Variants in SIPA1L1 observed in about 807,000 individuals in gnomAD.
The protein encoded by SIPA1L1 is signal-induced proliferation-associated 1-like protein 1.
A neutral mutation model predicts 162.7 loss-of-function variants in SIPA1L1; 26 were observed. The observed-to-expected ratio is 0.16, with a 90% CI of 0.12 to 0.22. The LOEUF (loss-of-function observed/expected upper bound fraction) is 0.22, where lower values mean the gene tolerates loss of function less well. SIPA1L1 is among the 10% of genes least tolerant of loss of function. SIPA1L1 has a pLI of 1.00. For synonymous variants in SIPA1L1, 829 were observed against 837.4 expected (o/e 0.99, Z 0.17); for missense variants, 1,874 against 2,241.0 (o/e 0.84, Z 3.31).
intron 4 of SIPA1L1, among the ~76,000 whole-genome samples, chr14:71,555,197 T>C (rs1346725026): frequency 6.6e-6 from 1 of 152,256 alleles, no homozygotes; most frequent in Admixed American, 6.5e-5. Context: ...CATTTTCTTC[T>C]AAGAGAAGGC....
At chr14:71,396,944 T>G (rs2041253233) in intron 2 of SIPA1L1, among the ~76,000 whole-genome samples, 1 of 152,200 alleles carries the variant, frequency 6.6e-6, no homozygotes, top group South Asian at 2.1e-4. Flanking sequence ...TCTTATATTT[T>G]TTGACAAATT....
intron 14 of SIPA1L1, among the ~76,000 whole-genome samples, chr14:71,700,414 C>T (rs1291891282): frequency 6.6e-6 from 1 of 152,176 alleles, no homozygotes; most frequent in African/African-American, 2.4e-5. Flanking sequence ...ACTGGCATCT[C>T]CATGCCTTTT....
At chr14:71,617,392 T>C (rs1237425592) in intron 5 of SIPA1L1, among the ~76,000 whole-genome samples, 2 of 152,190 alleles carry the variant, frequency 1.3e-5, no homozygotes, top group Non-Finnish European at 2.9e-5. Context: ...GTGCTGTGCT[T>C]TGAGGATATG....
chr14:71,650,298 C>T (rs760237874), intron 7 of SIPA1L1, 37 bp from the exon 8 acceptor site: 5 of 1,610,012 alleles, frequency 3.1e-6, no homozygotes, highest in Non-Finnish European at 4.3e-6. Flanking sequence ...AGTGGATCTG[C>T]CTATATTTAT....
At chr14:71,323,198 C>T (rs916236991) in intron 2 of SIPA1L1, among the ~76,000 whole-genome samples, 1 of 152,210 alleles carries the variant, frequency 6.6e-6, no homozygotes, top group African/African-American at 2.4e-5. Flanking sequence ...TTATTGAAGT[C>T]ATAGATTGAA....
chr14:71,624,895 A>T (rs542223732), intron 7 of SIPA1L1, among the ~76,000 whole-genome samples: 55 of 152,188 alleles, frequency 3.6e-4, no homozygotes, highest in Admixed American at 7.9e-4. Flanking sequence ...AAAAATGTAA[A>T]ATTTCACATT....
intron 2 of SIPA1L1, among the ~76,000 whole-genome samples, chr14:71,470,281 G>A (rs2047350414): frequency 6.6e-6 from 1 of 152,166 alleles, no homozygotes; most frequent in South Asian, 2.1e-4. Flanking sequence ...ATACGGACAC[G>A]TTTGCAAAAG....
intron 4 of SIPA1L1, chr14:71,574,926 A>G (rs1264592247): frequency 1.3e-5 from 2 of 151,786 alleles, no homozygotes; most frequent in Non-Finnish European, 2.9e-5. Context: ...GTATATTTGC[A>G]TATGTGCATA....
rs1376194971 is a variant in SIPA1L1, at chr14:71,671,675, A to G, written c.2812A>G (p.Ile938Val). The G allele has an allele frequency of 1.2e-6, 2 of 1,600,018 alleles. No homozygotes were observed. The highest frequency in any genetic ancestry group is 1.7e-6 in the Non-Finnish European group (2 of 1,174,088). ...SFINIEEIKE[I>V]VKRLQFVSKG... ...TATTAACATTGAGGAGATCAAAGAG[A>G]TTGTCAAAAGGTTGCAGGTGAGTCT... is the stretch of plus-strand genomic sequence containing the variant. The change falls in exon 11 of 24, where the codon ATT becomes GTT. Residue 938 changes from isoleucine (I) to valine (V), a missense_variant. By Grantham distance (29) the Ile-to-Val change is conservative. Around this residue, in one of 5 missense-constraint regions of SIPA1L1, gnomAD observed 243 missense variants for 315.0 expected, o/e 0.77. Coordinates refer to ENST00000381232, the MANE Select transcript of SIPA1L1 (RefSeq NM_001386936.1).
At chr14:71,421,407 A>G (rs528495353) in intron 2 of SIPA1L1, among the ~76,000 whole-genome samples, 12 of 152,080 alleles carry the variant, frequency 7.9e-5, no homozygotes, top group Non-Finnish European at 1.6e-4. Flanking sequence ...AGCCTGGGCA[A>G]CATAGTGAGA....
intron 3 of SIPA1L1, among the ~76,000 whole-genome samples, chr14:71,517,512 G>A (rs755543316): frequency 5.3e-5 from 8 of 151,992 alleles, no homozygotes; most frequent in Non-Finnish European, 7.4e-5. Context: ...ATGTGTCTCC[G>A]GGCGACACGT....
intron 4 of SIPA1L1, among the ~76,000 whole-genome samples, chr14:71,538,565 G>T (rs2054104806): frequency 6.6e-6 from 1 of 152,180 alleles, no homozygotes; most frequent in African/African-American, 2.4e-5. Context: ...GCCAAGTCAG[G>T]TCTCTAAGCT....
chr14:71,480,816 T>G (rs2048300137), intron 2 of SIPA1L1, among the ~76,000 whole-genome samples: 1 of 152,148 alleles, frequency 6.6e-6, no homozygotes, highest in Admixed American at 6.5e-5. Context: ...TTGGCTGAAT[T>G]AATATATATT....
chr14:71,353,792 T>C (rs2036951043), intron 2 of SIPA1L1, among the ~76,000 whole-genome samples: 1 of 152,112 alleles, frequency 6.6e-6, no homozygotes, highest in Non-Finnish European at 1.5e-5. Flanking sequence ...GGTATTATTT[T>C]AGTATTTATT....
intron 14 of SIPA1L1, among the ~76,000 whole-genome samples, chr14:71,700,862 C>T (rs190319688): frequency 7.9e-5 from 12 of 151,766 alleles, no homozygotes; most frequent in Admixed American, 2.0e-4. Context: ...GGTGTGGTGG[C>T]GGGTGCCCGC....
intron 2 of SIPA1L1, among the ~76,000 whole-genome samples, chr14:71,387,673 A>G (rs532643738): frequency 1.3e-5 from 2 of 152,312 alleles, no homozygotes; most frequent in East Asian, 3.8e-4. Context: ...CTAGATAACC[A>G]TTTCACCTCT....
chr14:71,670,980 ATG>A, intron 10 of SIPA1L1, 137 bp from the exon 11 acceptor site: 1 of 705,718 alleles, frequency 1.4e-6, no homozygotes, highest in Non-Finnish European at 2.4e-6. Flanking sequence ...TTAAGCAGAA[ATG>A]TGTGTTGTTT....
intron 9 of SIPA1L1, among the ~76,000 whole-genome samples, chr14:71,659,283 G>A (rs889674315): frequency 6.6e-6 from 1 of 152,158 alleles, no homozygotes; most frequent in Non-Finnish European, 1.5e-5. Context: ...CAGAGCACAG[G>A]CCAGCTGCAG....
intron 3 of SIPA1L1, among the ~76,000 whole-genome samples, chr14:71,522,693 C>G (rs528544203): frequency 1.3e-5 from 2 of 151,352 alleles, no homozygotes; most frequent in East Asian, 3.9e-4. Context: ...TAATTTCTCT[C>G]TCTCTTTTTT....
Sources: gnomAD v4.1 joint callset for allele counts (sites outside exome capture counted in the v4.1 genomes callset) on GRCh38, gnomAD v4.1.1 for gene constraint, gnomAD v4.1.1 regional missense constraint, MANE v1.5 for transcripts, NCBI Gene and HGNC (gene_info 2026-07-23, HGNC 2026-07-21) for gene names.